Variants in CDK6 observed in about 807,000 individuals in gnomAD.
The protein encoded by CDK6 is cyclin-dependent kinase 6.
A neutral mutation model predicts 37.1 loss-of-function variants in CDK6; 6 were observed. That is an observed-to-expected ratio of 0.16 (90% CI 0.09 to 0.32). CDK6 has a LOEUF of 0.32. Among genes scored for constraint, CDK6 ranks in the 10% least tolerant of loss-of-function variants. The pLI is 1.00. For missense variants in CDK6, 224 were observed against 418.9 expected, an observed-to-expected ratio of 0.53 and a Z score of 4.06; for synonymous variants, 160 against 161.3, an observed-to-expected ratio of 0.99 and a Z score of 0.06.
At chr7:92,804,713 C>T (rs963896638) in intron 2 of CDK6, among the ~76,000 whole-genome samples, 2 of 151,748 alleles carry the variant, frequency 1.3e-5, no homozygotes, top group Admixed American at 1.3e-4. Context: ...AATCTCAGGA[C>T]TATCAGCATT....
At position 92,774,615 on chromosome 7, in the gene CDK6, T is replaced by A. The variant is rs112716814; in HGVS notation, c.369+81A>T. ...ATTCTAAAAGTTGTAATTGTGGCAA[T>A]TTTCATAAGGAAAGAAAGCCATTGC... On this transcript the variant is annotated intron_variant, in intron 3 of 7. Coordinates refer to ENST00000424848, the MANE Select transcript of CDK6 (RefSeq NM_001145306.2). 5.0e-5 allele frequency: 64 copies of A among 1,287,218 alleles called. No individual in the cohort carries two copies. The African/African-American group carries it at 6.3e-4, about 13-fold the overall frequency. 79.7% of individuals were successfully genotyped at this position (1,287,218 alleles called of 1,614,324 possible). A position where few individuals can be genotyped will look rare whatever the true frequency, so the allele number is the denominator to read the frequency against.
At chr7:92,663,060 G>A (rs1796873419) in intron 5 of CDK6, among the ~76,000 whole-genome samples, 1 of 152,102 alleles carries the variant, frequency 6.6e-6, no homozygotes, top group Non-Finnish European at 1.5e-5. Context: ...AGCGAGGGGA[G>A]GTATTGGGGG....
intron 3 of CDK6, among the ~76,000 whole-genome samples, chr7:92,766,037 GA>G (rs1370262438): frequency 2.6e-5 from 4 of 152,124 alleles, no homozygotes; most frequent in Non-Finnish European, 5.9e-5. Flanking sequence ...AGGAAGAGTG[GA>G]GGCAGATCAG....
chr7:92,741,630 T>C (rs1439105012), intron 3 of CDK6, among the ~76,000 whole-genome samples: 1 of 152,174 alleles, frequency 6.6e-6, no homozygotes, highest in African/African-American at 2.4e-5. Flanking sequence ...AAATTATACA[T>C]ATATATTAAT....
chr7:92,724,946 A>G lies in CDK6; in HGVS notation c.537+680T>C, dbSNP rs1798473994. On this transcript the variant is annotated intron_variant, in intron 4 of 7. Transcript: ENST00000424848. The stretch of plus-strand genomic sequence containing the variant: ...GAATTTCACAAAAATCCATCTGAGA[A>G]ATAATGAACTATATGGAGAAATAGA... The G allele has an allele frequency of 3.4e-6, 3 of 877,994 alleles. No individual in the cohort carries two copies. The South Asian group carries it at 1.6e-4, about 46-fold the overall frequency. The allele number at this position is 877,994 out of a possible 1,614,324, so 54.4% of individuals were successfully genotyped here. A position where few individuals can be genotyped will look rare whatever the true frequency, so the allele number is the denominator to read the frequency against.
chr7:92,605,630 G>T lies in CDK6; in HGVS notation c.*9510C>A, dbSNP rs928468503. The stretch of plus-strand genomic sequence containing the variant: ...AAGAGCATTCAGCTCAGAGCATTCT[G>T]AAGACAGTAGCCTTAGAGATAAGCT... On this transcript the variant is annotated 3_prime_UTR_variant, in exon 8 of 8. Transcript: ENST00000424848. 1 of 233,126 alleles carries T rather than the reference G, an allele frequency of 4.3e-6. No individual in the cohort carries two copies. Among genetic ancestry groups the T allele is most frequent in the Admixed American group, 5.6e-5 (1 of 17,782 alleles). 14.4% of individuals were successfully genotyped at this position (233,126 alleles called of 1,614,324 possible). A position where few individuals can be genotyped will look rare whatever the true frequency, so the allele number is the denominator to read the frequency against.
At chr7:92,710,847 C>A (rs1352621003) in intron 4 of CDK6, 1 of 985,264 alleles carries the variant, frequency 1.0e-6, no homozygotes, top group Admixed American at 6.2e-5. Flanking sequence ...GACACCTCTG[C>A]ACGGAGATGA....
rs892834174 is a variant in CDK6, at chr7:92,791,788, G to A, written c.234-16957C>T. On this transcript the variant is annotated intron_variant, in intron 2 of 7. Transcript: ENST00000424848. ...GAAGTTTGGCATGGTCCTGGCAGAA[G>A]GAACAGCATGTCCAAAGGTATGTAG... Among the ~76,000 whole-genome samples the A allele has an allele frequency of 6.6e-5, 10 of 152,106 alleles. No homozygotes were observed. In the South Asian group the frequency reaches 2.1e-3, roughly 32 times the overall value.
intron 3 of CDK6, among the ~76,000 whole-genome samples, chr7:92,760,457 T>C (rs1406294200): frequency 1.3e-5 from 2 of 152,172 alleles, no homozygotes; most frequent in Non-Finnish European, 2.9e-5. Context: ...TTAATTCTTA[T>C]GTTGGGCTAT....
intron 4 of CDK6, among the ~76,000 whole-genome samples, chr7:92,688,138 A>G (rs1797506784): frequency 6.6e-6 from 1 of 152,174 alleles, no homozygotes; most frequent in African/African-American, 2.4e-5. Flanking sequence ...TCTTGGGTAT[A>G]TACAGGGAGT....
chr7:92,718,019 T>C (rs1317798834), intron 4 of CDK6, among the ~76,000 whole-genome samples: 1 of 152,150 alleles, frequency 6.6e-6, no homozygotes, highest in Non-Finnish European at 1.5e-5. Context: ...ATGTTTGTTT[T>C]GGCTCTGGCA....
intron 5 of CDK6, among the ~76,000 whole-genome samples, chr7:92,659,051 T>A (rs1331918197): frequency 6.6e-6 from 1 of 152,162 alleles, no homozygotes; most frequent in Non-Finnish European, 1.5e-5. Context: ...GGCCCCAACA[T>A]CTATAGCCCC....
At chr7:92,680,654 C>T (rs1380771875) in intron 4 of CDK6, among the ~76,000 whole-genome samples, 1 of 152,080 alleles carries the variant, frequency 6.6e-6, no homozygotes, top group Admixed American at 6.5e-5. Context: ...CCATTACCAG[C>T]AGAAGGGCTG....
intron 5 of CDK6, among the ~76,000 whole-genome samples, chr7:92,645,843 T>C (rs1004810724): frequency 6.6e-6 from 1 of 152,256 alleles, no homozygotes; most frequent in Non-Finnish European, 1.5e-5. Flanking sequence ...TACTCCTTAG[T>C]AAGGCTCCAT....
rs549374021 is a variant in CDK6 at position 92,650,431 on chromosome 7, G to T, written c.647+20995C>A. On this transcript the variant is annotated intron_variant, in intron 5 of 7. Transcript: ENST00000424848. ...CCACGATCTTTTGTTGTTTTTTTTT[G>T]TTGTTGCTGTTATTTTACATGTTGG... Among the ~76,000 whole-genome samples, 399 of 151,170 alleles carry T rather than the reference G, an allele frequency of 2.6e-3. 1 individual carries two copies. Among genetic ancestry groups the T allele is most frequent in the African/African-American group, 9.1e-3 (374 of 41,188 alleles).
intron 4 of CDK6, chr7:92,701,911 C>T (rs1797857721): frequency 1.3e-5 from 2 of 152,336 alleles, no homozygotes; most frequent in Middle Eastern, 3.4e-3. Context: ...AGGAAACTCA[C>T]TTGCCCTGTG....
chr7:92,653,956 T>G (rs1306399524), intron 5 of CDK6, among the ~76,000 whole-genome samples: 1 of 152,190 alleles, frequency 6.6e-6, no homozygotes, highest in Non-Finnish European at 1.5e-5. Context: ...TCCTTCATGT[T>G]TGTCAGTTTC....
intron 2 of CDK6, among the ~76,000 whole-genome samples, chr7:92,828,650 T>C (rs1365233184): frequency 6.6e-6 from 1 of 152,216 alleles, no homozygotes; most frequent in Non-Finnish European, 1.5e-5. Context: ...ACCCATGTCT[T>C]AAACATAGGA....
chr7:92,812,577 T>C (rs1800913406), intron 2 of CDK6, among the ~76,000 whole-genome samples: 1 of 152,032 alleles, frequency 6.6e-6, no homozygotes, highest in Non-Finnish European at 1.5e-5. Context: ...AGTGCCACTA[T>C]ACCTGGCTAA....
Sources: allele counts gnomAD v4.1 joint callset (sites outside exome capture counted in the v4.1 genomes callset), GRCh38; gene constraint gnomAD v4.1.1; transcripts MANE v1.5; gene names NCBI Gene and HGNC (gene_info 2026-07-23, HGNC 2026-07-21).